ASTN2: variants seen among roughly 807,000 people sequenced by gnomAD.
ASTN2 encodes astrotactin-2.
ASTN2 carries 54 observed loss-of-function variants against 139.8 expected under a neutral mutation model. The observed-to-expected ratio is 0.39, with a 90% CI of 0.31 to 0.48. The LOEUF (loss-of-function observed/expected upper bound fraction) is 0.48, where lower values mean the gene tolerates loss of function less well. Among genes scored for constraint, ASTN2 ranks in the 20% least tolerant of loss-of-function variants. The pLI is 0.95. For synonymous variants in ASTN2, 756 were observed against 719.5 expected (o/e 1.05, Z -0.81); for missense variants, 1,565 against 1,725.1 (o/e 0.91, Z 1.64).
intron 7 of ASTN2, among the ~76,000 whole-genome samples, chr9:117,004,743 T>C (rs1043059554): frequency 1.3e-5 from 2 of 152,130 alleles, no homozygotes; most frequent in South Asian, 2.1e-4. Flanking sequence ...GAGAGAAAGA[T>C]GAAGTTCCAG....
chr9:117,141,561 G>A, intron 3 of ASTN2, 83 bp from the exon 4 acceptor site: 1 of 1,247,548 alleles, frequency 8.0e-7, no homozygotes, highest in Non-Finnish European at 1.0e-6. Context: ...TAGGGCTTGA[G>A]CCCACCTTCA....
intron 19 of ASTN2, among the ~76,000 whole-genome samples, chr9:116,512,784 G>A (rs969957790): frequency 6.6e-6 from 1 of 152,016 alleles, no homozygotes; most frequent in Non-Finnish European, 1.5e-5. Flanking sequence ...TTTGATCTTT[G>A]TTGGTTTAAA....
chr9:116,483,125 C>T (rs964678407), intron 20 of ASTN2, among the ~76,000 whole-genome samples: 2 of 152,360 alleles, frequency 1.3e-5, no homozygotes, highest in South Asian at 4.1e-4. Flanking sequence ...AGTGGAGACT[C>T]CTGCTCAGGG....
chr9:116,471,374 G>T (rs1848806815), intron 20 of ASTN2, among the ~76,000 whole-genome samples: 2 of 152,136 alleles, frequency 1.3e-5, no homozygotes. Context: ...TTCCCAGAAA[G>T]AAATAGTAAC....
intron 11 of ASTN2, among the ~76,000 whole-genome samples, chr9:116,851,183 G>C (rs1470870943): frequency 6.6e-6 from 1 of 152,052 alleles, no homozygotes; most frequent in Non-Finnish European, 1.5e-5. Context: ...CAACAGTCAA[G>C]AATCACATAA....
chr9:116,538,258 CAGAA>C (rs924492207), intron 19 of ASTN2, among the ~76,000 whole-genome samples: 4 of 141,178 alleles, frequency 2.8e-5, no homozygotes, highest in East Asian at 4.2e-4. Flanking sequence ...ATGAAAAAGA[CAGAA>C]AGAAAGGAAG....
At chr9:116,442,738 G>C (rs920149517) in intron 20 of ASTN2, among the ~76,000 whole-genome samples, 185 bp from the exon 21 acceptor site, 2 of 152,170 alleles carry the variant, frequency 1.3e-5, no homozygotes, top group African/African-American at 4.8e-5. Context: ...CTTCTTAAAA[G>C]GGAGGGATTT....
At chr9:117,254,571 T>C (rs376826972) in intron 2 of ASTN2, among the ~76,000 whole-genome samples, 7 of 152,294 alleles carry the variant, frequency 4.6e-5, no homozygotes, top group South Asian at 2.1e-4. Flanking sequence ...ACTTAAGCAA[T>C]AAAACAGGGG....
chr9:116,508,115 T>C (rs1334082282), intron 19 of ASTN2, among the ~76,000 whole-genome samples: 1 of 152,132 alleles, frequency 6.6e-6, no homozygotes, highest in Non-Finnish European at 1.5e-5. Context: ...GGTCTTGAAC[T>C]CCCAACCTCA....
intron 19 of ASTN2, among the ~76,000 whole-genome samples, chr9:116,524,615 C>T (rs2119254132): frequency 6.6e-6 from 1 of 152,328 alleles, no homozygotes; most frequent in Middle Eastern, 3.4e-3. Flanking sequence ...GGCATAAAAA[C>T]TCGTACTCCC....
chr9:116,646,836 C>T (rs1034144136), intron 17 of ASTN2, among the ~76,000 whole-genome samples: 1 of 152,156 alleles, frequency 6.6e-6, no homozygotes, highest in African/African-American at 2.4e-5. Context: ...TCCTGGCTTC[C>T]CCATTGCCCT....
chr9:116,809,096 A>G (rs1831101429), intron 12 of ASTN2, among the ~76,000 whole-genome samples: 1 of 151,670 alleles, frequency 6.6e-6, no homozygotes. Flanking sequence ...TTGTATTTTA[A>G]TCTTGCTTTT....
intron 13 of ASTN2, among the ~76,000 whole-genome samples, chr9:116,770,927 G>T (rs1272377655): frequency 2.0e-5 from 3 of 152,148 alleles, no homozygotes; most frequent in Non-Finnish European, 4.4e-5. Context: ...AGTAGAACCT[G>T]CCATTATATG....
intron 16 of ASTN2, among the ~76,000 whole-genome samples, chr9:116,668,044 TA>T (rs954435262): frequency 1.3e-5 from 2 of 152,132 alleles, no homozygotes; most frequent in Admixed American, 1.3e-4. Context: ...TTCACTGCCC[TA>T]AAAATACGGT....
At chr9:116,985,618 A>G (rs113275907) in intron 7 of ASTN2, among the ~76,000 whole-genome samples, 1 of 152,224 alleles carries the variant, frequency 6.6e-6, no homozygotes, top group African/African-American at 2.4e-5. Context: ...GGAGAAAAGC[A>G]TGTGGCAAAG....
rs1833178061 is a variant in ASTN2 at position 116,871,977 on chromosome 9, C to G, written c.1890-8244G>C. ...GTATGAGACCTTGGGCAAGCCTCTT[C>G]TTTTTGAGACAGAGTCTCACTCTCT... On this transcript the variant is annotated intron_variant, in intron 10 of 22. Transcript: ENST00000313400. 2.6e-5 allele frequency among the ~76,000 whole-genome samples: 4 copies of G among 151,148 alleles called. 1 individual carries two copies. The South Asian group carries it at 8.4e-4, about 32-fold the overall frequency.
intron 10 of ASTN2, among the ~76,000 whole-genome samples, chr9:116,880,920 G>A (rs574652887): frequency 6.6e-6 from 1 of 152,306 alleles, no homozygotes; most frequent in East Asian, 1.9e-4. Context: ...GTGAAGCTGA[G>A]TAGACACATA....
chr9:116,698,791 C>G lies in ASTN2; in HGVS notation c.2806+26980G>C. On this transcript the variant is annotated intron_variant, in intron 16 of 22. Transcript: ENST00000313400. The surrounding 1 kb of genome is among the most constrained non-coding windows in gnomAD (Gnocchi z 4.4). ...AAACAGCGGGGTCCTGAGGCAGCCT[C>G]CAATATCCAGCAGTGCCTCTTTCTC... 1.9e-6 allele frequency: 3 copies of G among 1,614,172 alleles called. No homozygotes were observed. The highest frequency in any genetic ancestry group is 2.5e-6 in the Non-Finnish European group (3 of 1,180,034).
intron 1 of ASTN2, among the ~76,000 whole-genome samples, chr9:117,373,229 CT>C (rs1419551584): frequency 1.3e-5 from 2 of 152,152 alleles, no homozygotes; most frequent in African/African-American, 4.8e-5. Context: ...TATAAACAAA[CT>C]CCTTAAAAGA....
Sources: allele counts gnomAD v4.1 joint callset (sites outside exome capture counted in the v4.1 genomes callset), GRCh38; gene constraint gnomAD v4.1.1; non-coding constraint Gnocchi (gnomAD v3.1); transcripts MANE v1.5; gene names NCBI Gene and HGNC (gene_info 2026-07-23, HGNC 2026-07-21).